Variants in EYS observed in about 807,000 individuals in gnomAD.
EYS encodes the protein EGF-like photoreceptor maintenance factor, also known as protein eyes shut homolog.
In EYS, 250 loss-of-function variants were observed where a neutral mutation model predicts 282.1. The ratio of observed to expected loss-of-function variants is 0.89; its 90% confidence interval spans 0.80 to 0.98. The LOEUF (loss-of-function observed/expected upper bound fraction) is 0.98, where lower values mean the gene tolerates loss of function less well. Among genes scored for constraint, EYS ranks in the 50% least tolerant of loss-of-function variants. EYS has a pLI of 0.00. For synonymous variants in EYS, 1,355 were observed against 1,282.9 expected (o/e 1.06, Z -1.20); for missense variants, 4,016 against 3,709.0 (o/e 1.08, Z -2.15).
At chr6:65,339,908 A>G (rs934943090) in intron 10 of EYS, among the ~76,000 whole-genome samples, 1 of 151,148 alleles carries the variant, frequency 6.6e-6, no homozygotes. Flanking sequence ...CAGATAATTT[A>G]CAACTGCAAA....
At chr6:65,283,154 A>G (rs557689633) in intron 12 of EYS, among the ~76,000 whole-genome samples, 8 of 152,126 alleles carry the variant, frequency 5.3e-5, no homozygotes, top group African/African-American at 1.9e-4. Flanking sequence ...CAAAATTAAA[A>G]CAATATGACT....
At chr6:64,094,435 CT>C (rs1772503536) in intron 31 of EYS, among the ~76,000 whole-genome samples, 1 of 152,116 alleles carries the variant, frequency 6.6e-6, no homozygotes, top group African/African-American at 2.4e-5. Context: ...ATTTCAGCTC[CT>C]GTTATTGGTC....
chr6:64,785,754 C>T (rs1027016998), intron 22 of EYS, among the ~76,000 whole-genome samples: 3 of 152,138 alleles, frequency 2.0e-5, no homozygotes, highest in African/African-American at 7.2e-5. Flanking sequence ...TTGTCAAGCA[C>T]TATTTTTATG....
At chr6:64,076,991 G>A (rs1156547154) in intron 32 of EYS, among the ~76,000 whole-genome samples, 1 of 151,930 alleles carries the variant, frequency 6.6e-6, no homozygotes, top group Non-Finnish European at 1.5e-5. Flanking sequence ...ATTGCCCAAA[G>A]AAAGCTATGC....
intron 5 of EYS, among the ~76,000 whole-genome samples, chr6:65,442,685 T>C (rs1205586127): frequency 1.3e-5 from 2 of 151,258 alleles, no homozygotes; most frequent in African/African-American, 4.9e-5. Flanking sequence ...ACCCAGGAGG[T>C]GGAGGTTGCA....
chr6:64,676,087 G>C lies in EYS; in HGVS notation c.3444-49842C>G, dbSNP rs577953043. ...ATCTATATATAGATAGATAGAGAGA[G>C]AGAGGGAGAGAGAGAGAGCCATTTA... On this transcript the variant is annotated intron_variant, in intron 22 of 42. Coordinates refer to ENST00000503581, the MANE Select transcript of EYS (RefSeq NM_001142800.2). Among the ~76,000 whole-genome samples the C allele has an allele frequency of 2.7e-5, 4 of 148,054 alleles. No individual in the cohort carries two copies. In the East Asian group the frequency reaches 8.1e-4, roughly 30 times the overall value.
intron 12 of EYS, among the ~76,000 whole-genome samples, chr6:65,084,259 G>A (rs1774304553): frequency 6.6e-6 from 1 of 151,982 alleles, no homozygotes; most frequent in African/African-American, 2.4e-5. Context: ...AATGACAATT[G>A]CCATTAATTT....
At chr6:63,868,959 T>C (rs909508702) in intron 35 of EYS, among the ~76,000 whole-genome samples, 2 of 152,218 alleles carry the variant, frequency 1.3e-5, no homozygotes, top group Non-Finnish European at 2.9e-5. Context: ...ACTACGTGTG[T>C]CATTTTTCAT....
intron 36 of EYS, among the ~76,000 whole-genome samples, chr6:63,844,697 A>C (rs997632672): frequency 3.3e-5 from 5 of 150,452 alleles, no homozygotes; most frequent in African/African-American, 7.3e-5. Flanking sequence ...CACGCTTTTT[A>C]ATGGGGCTGT....
intron 12 of EYS, among the ~76,000 whole-genome samples, chr6:65,077,601 T>A (rs919642262): frequency 6.6e-6 from 1 of 152,116 alleles, no homozygotes; most frequent in Non-Finnish European, 1.5e-5. Flanking sequence ...CTCAAATTCA[T>A]TAAACTCAAA....
Position 65,118,129 on chromosome 6 carries a change from T to C in EYS, c.2024-60402A>G, listed in dbSNP as rs574337854. 2.0e-5 allele frequency among the ~76,000 whole-genome samples: 3 copies of C among 152,286 alleles called. No individual in the cohort carries two copies. The South Asian group carries it at 6.2e-4, about 32-fold the overall frequency. On this transcript the variant is annotated intron_variant, in intron 12 of 42. Transcript: ENST00000503581. ...TTAACTGAGATTCAAATGATATGAA[T>C]AATCCAGTGTTTTGAGGTTTTGGTC...
At chr6:63,893,645 C>A (rs1203905087) in intron 35 of EYS, among the ~76,000 whole-genome samples, 3 of 152,068 alleles carry the variant, frequency 2.0e-5, no homozygotes, top group Non-Finnish European at 4.4e-5. Flanking sequence ...CTGATGGGTG[C>A]AGCAAACCAC....
chr6:64,849,644 G>C (rs1264294831), intron 19 of EYS, among the ~76,000 whole-genome samples: 2 of 151,958 alleles, frequency 1.3e-5, no homozygotes, highest in Non-Finnish European at 2.9e-5. Context: ...TTTTCTGGAG[G>C]CTCTGGGGAG....
At chr6:64,112,126 C>T (rs1773223306) in intron 31 of EYS, among the ~76,000 whole-genome samples, 1 of 151,936 alleles carries the variant, frequency 6.6e-6, no homozygotes, top group Non-Finnish European at 1.5e-5. Flanking sequence ...ATATCTTAAT[C>T]CAAATTACTA....
chr6:65,085,967 C>G (rs1314550698), intron 12 of EYS, among the ~76,000 whole-genome samples: 1 of 151,422 alleles, frequency 6.6e-6, no homozygotes, highest in Non-Finnish European at 1.5e-5. Flanking sequence ...TTCTCTACGT[C>G]TATAAAAACA....
chr6:63,765,167 GCTGT>G (rs1769755556), intron 40 of EYS, among the ~76,000 whole-genome samples: 2 of 151,950 alleles, frequency 1.3e-5, no homozygotes, highest in African/African-American at 4.8e-5. Flanking sequence ...TTACAGGCTA[GCTGT>G]CTGTGCTTAT....
chr6:65,588,407 G>A (rs1203607493), intron 2 of EYS, among the ~76,000 whole-genome samples: 1 of 151,932 alleles, frequency 6.6e-6, no homozygotes, highest in African/African-American at 2.4e-5. Flanking sequence ...GGCGGGGGGA[G>A]TATCTGCTGA....
In EYS at chr6:64,548,655, A is replaced by G. The variant is rs569488049; in HGVS notation, c.5644+41568T>C. On this transcript the variant is annotated intron_variant, in intron 26 of 42. Coordinates refer to ENST00000503581, the MANE Select transcript of EYS (RefSeq NM_001142800.2). ...AGAACACATGGACACAGGAAGGGGA[A>G]CATCACACACTGGGGCCTGTTGTGG... Among the ~76,000 whole-genome samples the G allele has an allele frequency of 1.5e-4, 23 of 152,236 alleles. No individual in the cohort carries two copies. In the South Asian group the frequency reaches 4.6e-3, roughly 30 times the overall value.
At chr6:65,546,481 T>C (rs564639181) in intron 2 of EYS, among the ~76,000 whole-genome samples, 1 of 152,322 alleles carries the variant, frequency 6.6e-6, no homozygotes, top group East Asian at 1.9e-4. Context: ...ATGAAATAAG[T>C]CAATTCAAAT....
Sources: allele counts gnomAD v4.1 joint callset (sites outside exome capture counted in the v4.1 genomes callset), GRCh38; gene constraint gnomAD v4.1.1; transcripts MANE v1.5; gene names NCBI Gene and HGNC (gene_info 2026-07-23, HGNC 2026-07-21).